Variants in TFPI observed in about 807,000 individuals in gnomAD.
TFPI encodes anti-convertin.
Under a neutral mutation model 34.6 loss-of-function variants are expected in TFPI, and 15 were observed. The ratio of observed to expected loss-of-function variants is 0.43; its 90% CI spans 0.29 to 0.67. TFPI has a LOEUF of 0.67. Ranked by LOEUF, TFPI falls within the 30% of genes least tolerant of loss-of-function variation. TFPI has a pLI of 0.15. For missense variants in TFPI, 301 were observed against 364.0 expected, an observed-to-expected ratio of 0.83 and a Z score of 1.41; for synonymous variants, 105 against 120.1, an observed-to-expected ratio of 0.87 and a Z score of 0.82.
At chr2:187,506,891 T>A (rs1026076607) in intron 1 of TFPI, among the ~76,000 whole-genome samples, 4 of 152,112 alleles carry the variant, frequency 2.6e-5, no homozygotes, top group African/African-American at 7.2e-5. Context: ...TTTCTACCCC[T>A]ACCTTTCCAT....
intron 1 of TFPI, among the ~76,000 whole-genome samples, chr2:187,545,056 A>T (rs1206217253): frequency 6.6e-6 from 1 of 152,170 alleles, no homozygotes; most frequent in Non-Finnish European, 1.5e-5. Context: ...GGTTGCAGTG[A>T]GCCGTGATCG....
At chr2:187,476,986 G>A (rs1692418737) in intron 6 of TFPI, among the ~76,000 whole-genome samples, 1 of 152,104 alleles carries the variant, frequency 6.6e-6, no homozygotes, top group African/African-American at 2.4e-5. Context: ...GTTATTTTAA[G>A]TAATTTGGCT....
At chr2:187,529,978 T>A (rs962773355) in intron 1 of TFPI, among the ~76,000 whole-genome samples, 1 of 152,190 alleles carries the variant, frequency 6.6e-6, no homozygotes, top group Non-Finnish European at 1.5e-5. Flanking sequence ...AACTATGGTG[T>A]TTGTTTATTC....
intron 1 of TFPI, among the ~76,000 whole-genome samples, chr2:187,528,590 A>G (rs1196217657): frequency 6.6e-6 from 1 of 152,180 alleles, no homozygotes; most frequent in African/African-American, 2.4e-5. Context: ...TTACTATAGG[A>G]ACGTTAAATT....
chr2:187,538,980 ATAT>A (rs1391323012), intron 1 of TFPI, among the ~76,000 whole-genome samples: 1 of 152,162 alleles, frequency 6.6e-6, no homozygotes, highest in African/African-American at 2.4e-5. Context: ...CATTTGAATA[ATAT>A]TAATATATAT....
At chr2:187,496,602 T>G (rs925281876) in intron 3 of TFPI, among the ~76,000 whole-genome samples, 2 of 152,088 alleles carry the variant, frequency 1.3e-5, no homozygotes. Flanking sequence ...ACATGCAAGT[T>G]GACCGTACCT....
rs191549850 is a variant in TFPI, at chr2:187,474,376, A to T, written c.629-6444T>A. On this transcript the variant is annotated intron_variant, in intron 6 of 7. Coordinates refer to ENST00000233156, the MANE Select transcript of TFPI (RefSeq NM_006287.6). ...GGGGGTACTTCGCAAACTCCAGGCT[A>T]TCTGGAGAACATAACACAAAAAAGA... 5.3e-3 allele frequency among the ~76,000 whole-genome samples: 808 copies of T among 152,270 alleles called. 9 individuals are homozygous for T. Among genetic ancestry groups the T allele is most frequent in the African/African-American group, 0.019 (778 of 41,562 alleles).
intron 1 of TFPI, among the ~76,000 whole-genome samples, chr2:187,546,322 CT>C (rs1688860936): frequency 9.1e-6 from 1 of 109,820 alleles, no homozygotes; most frequent in African/African-American, 3.5e-5. Context: ...ACATTGTTTT[CT>C]TTGAATGAAT....
Position 187,466,760 on chromosome 2 carries a change from T to A in TFPI, c.*176A>T. On this transcript the variant is annotated 3_prime_UTR_variant, in exon 8 of 8. Transcript: ENST00000233156. ...TAAATTACAGACCTAGAATAAGCAATTTAACAAGATTAGAAAAGCAACTCT... is the reference window on the plus strand; with the variant it reads ...TAAATTACAGACCTAGAATAAGCAAATTAACAAGATTAGAAAAGCAACTCT... 1 of 372,672 alleles carries A rather than the reference T, an allele frequency of 2.7e-6. No homozygotes were observed. Among genetic ancestry groups the A allele is most frequent in the South Asian group, 3.5e-5 (1 of 28,226 alleles). 23.1% of individuals were successfully genotyped at this position (372,672 alleles called of 1,614,324 possible).
At chr2:187,470,540 A>G (rs1691973857) in intron 6 of TFPI, among the ~76,000 whole-genome samples, 2 of 152,316 alleles carry the variant, frequency 1.3e-5, no homozygotes, top group South Asian at 2.1e-4. Flanking sequence ...GGGCCTTTCC[A>G]TTGAAGCTGA....
chr2:187,498,301 C>T (rs1685621018), intron 2 of TFPI, among the ~76,000 whole-genome samples: 1 of 151,566 alleles, frequency 6.6e-6, no homozygotes, highest in Non-Finnish European at 1.5e-5. Context: ...TTTTTTGAAA[C>T]AGAAAATATG....
At chr2:187,511,755 T>C (rs925631115) in intron 1 of TFPI, among the ~76,000 whole-genome samples, 1 of 151,756 alleles carries the variant, frequency 6.6e-6, no homozygotes, top group Non-Finnish European at 1.5e-5. Context: ...TGGTTTTAGA[T>C]CCGCCTCACA....
intron 1 of TFPI, among the ~76,000 whole-genome samples, chr2:187,520,294 T>C (rs1324298125): frequency 6.6e-6 from 1 of 152,054 alleles, no homozygotes; most frequent in Non-Finnish European, 1.5e-5. Context: ...TGAGGAAATC[T>C]CCGGGTCTGT....
At chr2:187,481,013 C>A (rs1309956001) in intron 6 of TFPI, among the ~76,000 whole-genome samples, 1 of 151,808 alleles carries the variant, frequency 6.6e-6, no homozygotes, top group Non-Finnish European at 1.5e-5. Flanking sequence ...TAATGTTTAA[C>A]TAAACTTCTA....
chr2:187,524,717 CTTG>C (rs1287595560), intron 1 of TFPI, among the ~76,000 whole-genome samples: 3 of 152,078 alleles, frequency 2.0e-5, no homozygotes, highest in African/African-American at 7.2e-5. Flanking sequence ...AAAATTGTGT[CTTG>C]TATTGCTTTT....
At chr2:187,468,141 G>A (rs8176628) in intron 6 of TFPI, among the ~76,000 whole-genome samples, 2,187 of 151,834 alleles carry the variant, frequency 0.014, 19 homozygotes, top group Non-Finnish European at 0.022. Context: ...TTTCTCCAAT[G>A]AATTAAAAAA....
rs1693114161 is a variant in TFPI at position 187,484,498 on chromosome 2, G to A, written c.536-282C>T. ...GAGTGACTTTAGGTGGTGGTTTTCAGTAACTGTTTGCTCTCATATTTGTAT... is the reference window on the plus strand; with the variant it reads ...GAGTGACTTTAGGTGGTGGTTTTCAATAACTGTTTGCTCTCATATTTGTAT... On this transcript the variant is annotated intron_variant, in intron 5 of 7. Transcript: ENST00000233156. 23 of 488,596 alleles carry A rather than the reference G, an allele frequency of 4.7e-5. No individual in the cohort carries two copies. The South Asian group carries it at 8.0e-4, about 17-fold the overall frequency. The allele number at this position is 488,596 out of a possible 1,614,324, so 30.3% of individuals were successfully genotyped here. A position where few individuals can be genotyped will look rare whatever the true frequency, so the allele number is the denominator to read the frequency against.
intron 3 of TFPI, among the ~76,000 whole-genome samples, chr2:187,490,019 A>C (rs1276638019): frequency 6.6e-6 from 1 of 151,634 alleles, no homozygotes; most frequent in East Asian, 1.9e-4. Flanking sequence ...TTGAATTTCA[A>C]TTTATATGAA....
intron 6 of TFPI, among the ~76,000 whole-genome samples, chr2:187,475,516 T>G (rs899690036): frequency 6.6e-6 from 1 of 152,148 alleles, no homozygotes. Flanking sequence ...GAAAACAACC[T>G]CAAAAATTAA....
Sources: allele counts gnomAD v4.1 joint callset (sites outside exome capture counted in the v4.1 genomes callset), GRCh38; gene constraint gnomAD v4.1.1; transcripts MANE v1.5; gene names NCBI Gene and HGNC (gene_info 2026-07-23, HGNC 2026-07-21).